The following ATP8B1 variants were observed in gnomAD, a reference collection of about 807,000 sequenced individuals.
ATP8B1 encodes phospholipid-transporting ATPase IC.
A neutral mutation model predicts 149.9 loss-of-function variants in ATP8B1; 80 were observed. That is an observed-to-expected ratio of 0.53 (90% CI 0.45 to 0.64). The LOEUF is 0.64. Among genes scored for constraint, ATP8B1 ranks in the 30% least tolerant of loss-of-function variants. ATP8B1 has a pLI of 0.00. For synonymous variants in ATP8B1, 536 were observed against 562.8 expected, an observed-to-expected ratio of 0.95 and a Z score of 0.67; for missense variants, 1,247 against 1,552.6, an observed-to-expected ratio of 0.80 and a Z score of 3.31.
At chr18:57,675,149 A>G in intron 15 of ATP8B1, 127 bp from the exon 16 acceptor site, 1 of 904,486 alleles carries the variant, frequency 1.1e-6, no homozygotes, top group Non-Finnish European at 1.7e-6. Flanking sequence ...CCCCAGGAAA[A>G]CGAGTCATTG....
intron 15 of ATP8B1, among the ~76,000 whole-genome samples, chr18:57,675,623 T>G (rs1187290418): frequency 6.6e-6 from 1 of 152,224 alleles, no homozygotes; most frequent in African/African-American, 2.4e-5. Flanking sequence ...GCTCTTGATC[T>G]CCGGGGCCCA....
intron 1 of ATP8B1, among the ~76,000 whole-genome samples, chr18:57,756,277 C>A: frequency 2.1e-5 from 1 of 48,312 alleles, no homozygotes; most frequent in Non-Finnish European, 4.7e-5. Flanking sequence ...AATATTTACA[C>A]AACATATATA....
At chr18:57,732,711 C>T (rs1247836299) in intron 1 of ATP8B1, among the ~76,000 whole-genome samples, 4 of 152,052 alleles carry the variant, frequency 2.6e-5, no homozygotes, top group Non-Finnish European at 4.4e-5. Context: ...TACAGGCACA[C>T]ACCACCACGC....
intron 15 of ATP8B1, among the ~76,000 whole-genome samples, chr18:57,680,727 G>T (rs1025567028): frequency 6.6e-6 from 1 of 151,456 alleles, no homozygotes; most frequent in Non-Finnish European, 1.5e-5. Flanking sequence ...CCACATCCAT[G>T]GCTTTGTTAT....
At chr18:57,682,814 C>G (rs867315998) in intron 15 of ATP8B1, among the ~76,000 whole-genome samples, 1 of 152,060 alleles carries the variant, frequency 6.6e-6, no homozygotes, top group Non-Finnish European at 1.5e-5. Context: ...TGAAAGGTAT[C>G]ATGTACAGCT....
At position 57,674,975 on chromosome 18, in the gene ATP8B1, T is replaced by C; in HGVS notation, c.1678A>G (p.Asn560Asp). The C allele has an allele frequency of 6.2e-7, 1 of 1,614,246 alleles. No homozygotes were observed. Residue 560 changes from asparagine (N) to aspartate (D), a missense_variant, in exon 16 of 28, where the codon AAC becomes GAC. This residue lies in a region of ATP8B1 where 853 missense variants were observed against 1,035.7 expected (regional missense o/e 0.82). Transcript: ENST00000648908. ...AASPDEGALV[N>D]AARNFGFAFL... ...GCAAAGCCAAAGTTCCTGGCAGCGT[T>C]TACCAGGGCACCTTCATCGGGAGAG...
intron 1 of ATP8B1, among the ~76,000 whole-genome samples, chr18:57,780,702 AAG>A (rs1259361935): frequency 6.6e-6 from 1 of 152,248 alleles, no homozygotes; most frequent in Non-Finnish European, 1.5e-5. Context: ...GGCTTCAACC[AAG>A]AGGTTGCCTG....
At chr18:57,686,513 C>T (rs113650601) in intron 13 of ATP8B1, among the ~76,000 whole-genome samples, 3,009 of 152,022 alleles carry the variant, frequency 0.02, 93 homozygotes, top group African/African-American at 0.066. Context: ...CTCCACCTCC[C>T]GGGTTCAAGC....
At chr18:57,764,968 C>T (rs1316956302) in intron 1 of ATP8B1, among the ~76,000 whole-genome samples, 2 of 151,986 alleles carry the variant, frequency 1.3e-5, no homozygotes, top group East Asian at 1.9e-4. Context: ...GGCAGGAATC[C>T]GAGCAGATAT....
chr18:57,764,874 C>T (rs1210375690), intron 1 of ATP8B1, among the ~76,000 whole-genome samples: 2 of 151,200 alleles, frequency 1.3e-5, no homozygotes, highest in Non-Finnish European at 2.9e-5. Flanking sequence ...TGGAAAACAG[C>T]ATAATGGTTC....
chr18:57,781,667 C>A (rs2080358643), intron 1 of ATP8B1, among the ~76,000 whole-genome samples: 1 of 152,186 alleles, frequency 6.6e-6, no homozygotes, highest in South Asian at 2.1e-4. Flanking sequence ...CTAACACAGA[C>A]TGTTACAGTT....
At chr18:57,741,326 C>A (rs1372995579) in intron 1 of ATP8B1, among the ~76,000 whole-genome samples, 1 of 152,162 alleles carries the variant, frequency 6.6e-6, no homozygotes, top group Non-Finnish European at 1.5e-5. Context: ...TTCTTGTTGC[C>A]AGCCAACTCT....
intron 1 of ATP8B1, among the ~76,000 whole-genome samples, chr18:57,732,523 A>C (rs1166740577): frequency 1.3e-5 from 2 of 151,770 alleles, no homozygotes; most frequent in Non-Finnish European, 2.9e-5. Context: ...GTACACATTC[A>C]CACATTTATT....
At position 57,648,185 on chromosome 18, in the gene ATP8B1, C is replaced by G; in HGVS notation, c.*303G>C. On this transcript the variant is annotated 3_prime_UTR_variant, in exon 28 of 28. Coordinates refer to ENST00000648908, the MANE Select transcript of ATP8B1 (RefSeq NM_001374385.1). The stretch of plus-strand genomic sequence containing the variant: ...ATTTATGGTAGAGACAGGGTTTCAC[C>G]ATGTTGGCTGGGCTGGTCTCGAACT... 1 of 484,446 alleles carries G rather than the reference C, an allele frequency of 2.1e-6. No individual in the cohort carries two copies. The highest frequency in any genetic ancestry group is 3.8e-6 in the Non-Finnish European group (1 of 265,022). 30.0% of individuals were successfully genotyped at this position (484,446 alleles called of 1,614,324 possible).
At chr18:57,732,544 G>A (rs1242904181) in intron 1 of ATP8B1, among the ~76,000 whole-genome samples, 1 of 151,614 alleles carries the variant, frequency 6.6e-6, no homozygotes, top group Admixed American at 6.6e-5. Flanking sequence ...TGCATTGTGG[G>A]TGTTAGTGGA....
chr18:57,686,208 G>A (rs1399748577), intron 13 of ATP8B1, among the ~76,000 whole-genome samples: 3 of 152,112 alleles, frequency 2.0e-5, no homozygotes, highest in African/African-American at 7.2e-5. Flanking sequence ...GGGTTGCAGT[G>A]AGCTGAGATC....
At chr18:57,760,902 T>C (rs1232743031) in intron 1 of ATP8B1, among the ~76,000 whole-genome samples, 1 of 151,776 alleles carries the variant, frequency 6.6e-6, no homozygotes, top group African/African-American at 2.4e-5. Context: ...GGCAGGAGAA[T>C]CGCTTGAACC....
intron 15 of ATP8B1, among the ~76,000 whole-genome samples, chr18:57,680,585 A>AGAAACAAAAC (rs1555691193): frequency 0.015 from 2,185 of 144,074 alleles, 28 homozygotes; most frequent in Non-Finnish European, 0.025. Context: ...ACTTGGTCTC[A>AGAAACAAAAC]AAAACAAAAC....
intron 2 of ATP8B1, 55 bp from the exon 3 acceptor site, chr18:57,706,642 G>C: frequency 7.4e-7 from 1 of 1,356,636 alleles, no homozygotes; most frequent in Non-Finnish European, 1.0e-6. Flanking sequence ...GTTGTTATGA[G>C]TTGAATTGTG....
Sources: gnomAD v4.1 joint callset for allele counts (sites outside exome capture counted in the v4.1 genomes callset) on GRCh38, gnomAD v4.1.1 for gene constraint, gnomAD v4.1.1 regional missense constraint, MANE v1.5 for transcripts, NCBI Gene and HGNC (gene_info 2026-07-23, HGNC 2026-07-21) for gene names.